The following SAMD12 variants were observed in gnomAD, a reference collection of about 807,000 sequenced individuals.
SAMD12 encodes sterile alpha motif domain containing 12.
SAMD12 carries 9 observed loss-of-function variants against 15.0 expected under a neutral mutation model. That is an observed-to-expected ratio of 0.60 (90% CI 0.36 to 1.05). The LOEUF (loss-of-function observed/expected upper bound fraction) is 1.05. Ranked by LOEUF, SAMD12 falls within the 50% of genes least tolerant of loss-of-function variation. The pLI is 0.01. For missense variants in SAMD12, 230 were observed against 234.2 expected (o/e 0.98, Z 0.12); for synonymous variants, 86 against 90.1 (o/e 0.96, Z 0.25).
At chr8:118,477,070 CTTT>C (rs56341509) in intron 2 of SAMD12, among the ~76,000 whole-genome samples, 11 of 142,820 alleles carry the variant, frequency 7.7e-5, no homozygotes, top group Admixed American at 3.5e-4. Flanking sequence ...CTTTCTTTTT[CTTT>C]TTTTTTTTTT....
chr8:118,612,759 C>A (rs1448372137), intron 1 of SAMD12, among the ~76,000 whole-genome samples: 1 of 152,210 alleles, frequency 6.6e-6, no homozygotes, highest in Non-Finnish European at 1.5e-5. Flanking sequence ...AACCTGTAAG[C>A]AACTGCTTTT....
chr8:118,457,145 C>G (rs1306389130), intron 2 of SAMD12, among the ~76,000 whole-genome samples: 2 of 151,998 alleles, frequency 1.3e-5, no homozygotes, highest in Non-Finnish European at 2.9e-5. Flanking sequence ...GTATTCTTTG[C>G]CATTACTATT....
At chr8:118,325,350 G>T (rs1334795606) in intron 4 of SAMD12, among the ~76,000 whole-genome samples, 2 of 152,180 alleles carry the variant, frequency 1.3e-5, no homozygotes, top group Non-Finnish European at 2.9e-5. Context: ...TGGGGTGGAA[G>T]GAGAACTAAG....
In SAMD12 at chr8:118,341,935, A is replaced by C. The variant is rs146219434; in HGVS notation, c.433+37625T>G. ...TGTGGCAGACATGCGTATTCACAGA[A>C]ATGGCCCATGCCCACCATTGTGTAC... On this transcript the variant is annotated intron_variant, in intron 4 of 4. Coordinates refer to the SAMD12 transcript ENST00000409003. Among the ~76,000 whole-genome samples the C allele has an allele frequency of 3.2e-3, 482 of 152,376 alleles. 2 individuals are homozygous for C. The highest frequency in any genetic ancestry group is 0.01 in the Middle Eastern group (3 of 294).
chr8:118,320,509 T>C (rs1230803888), intron 4 of SAMD12, among the ~76,000 whole-genome samples: 1 of 151,916 alleles, frequency 6.6e-6, no homozygotes, highest in South Asian at 2.1e-4. Flanking sequence ...AAAAGGAAAA[T>C]AGAAAATTAC....
intron 3 of SAMD12, among the ~76,000 whole-genome samples, chr8:118,387,740 C>T (rs1050402776): frequency 1.3e-5 from 2 of 152,128 alleles, no homozygotes; most frequent in South Asian, 2.1e-4. Flanking sequence ...CTCCTCAAGG[C>T]CACTTCTTGC....
At chr8:118,428,705 G>A (rs565486438) in intron 3 of SAMD12, among the ~76,000 whole-genome samples, 7 of 152,132 alleles carry the variant, frequency 4.6e-5, no homozygotes, top group East Asian at 3.9e-4. Context: ...CCTTTCTCTC[G>A]TTGGATTGCT....
At chr8:118,388,075 G>A (rs1275124547) in intron 3 of SAMD12, among the ~76,000 whole-genome samples, 2 of 152,114 alleles carry the variant, frequency 1.3e-5, no homozygotes, top group African/African-American at 2.4e-5. Context: ...TAACCCATCT[G>A]GCAACCTTGA....
intron 2 of SAMD12, among the ~76,000 whole-genome samples, chr8:118,446,686 C>T (rs1300443299): frequency 6.6e-6 from 1 of 152,130 alleles, no homozygotes; most frequent in Non-Finnish European, 1.5e-5. Context: ...AAGTCAAAGT[C>T]AGATCTTCAT....
At chr8:118,459,690 A>G (rs1823359270) in intron 2 of SAMD12, among the ~76,000 whole-genome samples, 1 of 152,224 alleles carries the variant, frequency 6.6e-6, no homozygotes, top group Admixed American at 6.5e-5. Flanking sequence ...GAAATTTAAA[A>G]GAAGAAAACT....
At chr8:118,446,633 A>G (rs925095247) in intron 2 of SAMD12, among the ~76,000 whole-genome samples, 5 of 152,204 alleles carry the variant, frequency 3.3e-5, no homozygotes, top group Non-Finnish European at 7.3e-5. Context: ...AGGCCACACC[A>G]TTGTTAATAA....
chr8:118,365,602 A>C (rs141031209), intron 4 of SAMD12, among the ~76,000 whole-genome samples: 1 of 151,996 alleles, frequency 6.6e-6, no homozygotes, highest in East Asian at 1.9e-4. Flanking sequence ...GAATTGACTA[A>C]ATTATACCAC....
At chr8:118,559,871 C>T (rs1173486974) in intron 2 of SAMD12, among the ~76,000 whole-genome samples, 3 of 152,038 alleles carry the variant, frequency 2.0e-5, no homozygotes, top group Non-Finnish European at 4.4e-5. Flanking sequence ...TCTTTGTTGA[C>T]AGGGGTGATG....
intron 2 of SAMD12, among the ~76,000 whole-genome samples, chr8:118,461,136 C>T (rs1295201750): frequency 3.3e-5 from 5 of 152,208 alleles, no homozygotes; most frequent in African/African-American, 1.2e-4. Context: ...GTAACATTCT[C>T]CAATTAGAGT....
intron 1 of SAMD12, among the ~76,000 whole-genome samples, chr8:118,601,154 AT>A (rs1002492479): frequency 6.6e-6 from 1 of 151,628 alleles, no homozygotes; most frequent in Non-Finnish European, 1.5e-5. Flanking sequence ...ATTCATGAAG[AT>A]TTTTTTTTAT....
intron 3 of SAMD12, among the ~76,000 whole-genome samples, chr8:118,398,769 T>G (rs1291626655): frequency 6.6e-6 from 1 of 152,226 alleles, no homozygotes; most frequent in African/African-American, 2.4e-5. Context: ...GTTCATTACC[T>G]TGATTGTAGT....
chr8:118,351,053 G>C (rs548638034), intron 4 of SAMD12, among the ~76,000 whole-genome samples: 1 of 152,242 alleles, frequency 6.6e-6, no homozygotes, highest in East Asian at 1.9e-4. Flanking sequence ...TTCTCACCAC[G>C]TGGGACATGA....
chr8:118,226,309 T>C (rs1263559284), intron 4 of SAMD12, among the ~76,000 whole-genome samples: 1 of 152,174 alleles, frequency 6.6e-6, no homozygotes, highest in Non-Finnish European at 1.5e-5. Context: ...TGGGACAAGA[T>C]ACTTCTTTCT....
intron 2 of SAMD12, among the ~76,000 whole-genome samples, chr8:118,566,030 G>C (rs1826836861): frequency 6.6e-6 from 1 of 152,108 alleles, no homozygotes; most frequent in African/African-American, 2.4e-5. Flanking sequence ...CTCTTATTCA[G>C]CTCTCTGCGG....
Sources: gnomAD v4.1 joint callset for allele counts (sites outside exome capture counted in the v4.1 genomes callset) on GRCh38, gnomAD v4.1.1 for gene constraint, MANE v1.5 for transcripts, NCBI Gene and HGNC (gene_info 2026-07-23, HGNC 2026-07-21) for gene names.